The following ATP9A variants were observed in gnomAD, a reference collection of about 807,000 sequenced individuals.
ATP9A encodes the protein probable phospholipid-transporting ATPase IIA.
Under a neutral mutation model 144.1 loss-of-function variants are expected in ATP9A, and 52 were observed. That is an observed-to-expected ratio of 0.36 (90% CI 0.29 to 0.45). The LOEUF (loss-of-function observed/expected upper bound fraction) is 0.45. Among genes scored for constraint, ATP9A ranks in the 20% least tolerant of loss-of-function variants. The pLI is 1.00. For synonymous variants in ATP9A, 582 were observed against 557.4 expected (o/e 1.04, Z -0.62); for missense variants, 947 against 1,392.7 (o/e 0.68, Z 5.09).
intron 13 of ATP9A, 115 bp from the exon 14 acceptor site, chr20:51,657,265 C>A: frequency 1.3e-6 from 1 of 781,514 alleles, no homozygotes. Context: ...CACACAGAAC[C>A]CTTAGATATA....
rs1015540924 is a variant in ATP9A at position 51,599,547 on chromosome 20, T to A, written c.*1664A>T. 4 of 152,194 alleles carry A rather than the reference T, an allele frequency of 2.6e-5. No individual in the cohort carries two copies. Among genetic ancestry groups the A allele is most frequent in the African/African-American group, 9.7e-5 (4 of 41,450 alleles). 9.4% of individuals were successfully genotyped at this position (152,194 alleles called of 1,614,324 possible). On this transcript the variant is annotated 3_prime_UTR_variant, in exon 28 of 28. Transcript: ENST00000338821. ...AAAGTACTGCAAAACTGCAGAATCA[T>A]AAGACAAAATAGATGTGGTGTCAAC...
At chr20:51,670,787 G>A (rs768917350) in intron 12 of ATP9A, among the ~76,000 whole-genome samples, 9 of 152,004 alleles carry the variant, frequency 5.9e-5, no homozygotes, top group Admixed American at 2.6e-4. Context: ...AGCTTGCTTC[G>A]GCTACTATGC....
At chr20:51,643,072 A>G (rs2077327734) in intron 14 of ATP9A, among the ~76,000 whole-genome samples, 1 of 152,176 alleles carries the variant, frequency 6.6e-6, no homozygotes, top group African/African-American at 2.4e-5. Context: ...TTAGTCTACT[A>G]TGCTCAGATA....
rs2273091 is a variant in ATP9A, at chr20:51,607,215, C to G, written c.2803+312G>C. ...TCCAAAACTACGACTTGACCTGACT[C>G]TCAGAAAAGGTTTCAGAACATCCCA... On this transcript the variant is annotated intron_variant, in intron 26 of 27. Coordinates refer to ENST00000338821, the MANE Select transcript of ATP9A (RefSeq NM_006045.3). Among the ~76,000 whole-genome samples, 587 of 152,314 alleles carry G rather than the reference C, an allele frequency of 3.9e-3. 6 individuals carry two copies. In the East Asian group the frequency reaches 0.05, roughly 13 times the overall value.
chr20:51,656,408 C>A (rs1427787675), intron 14 of ATP9A, among the ~76,000 whole-genome samples: 1 of 152,020 alleles, frequency 6.6e-6, no homozygotes, highest in Non-Finnish European at 1.5e-5. Flanking sequence ...AAAAAATTAG[C>A]CGGGCATGGT....
At chr20:51,663,445 T>TA (rs11412806) in intron 13 of ATP9A, among the ~76,000 whole-genome samples, 74,300 of 151,808 alleles carry the variant, frequency 0.49, 18,920 homozygotes, top group East Asian at 0.79. Flanking sequence ...TTTCAATGAG[T>TA]AAAAAATGAA....
intron 1 of ATP9A, among the ~76,000 whole-genome samples, chr20:51,739,018 G>A (rs1042667386): frequency 8.5e-5 from 13 of 152,084 alleles, no homozygotes; most frequent in African/African-American, 3.1e-4. Flanking sequence ...GAACCTGGGA[G>A]GCGGAGGTTG....
At chr20:51,693,358 C>G (rs191423598) in intron 7 of ATP9A, among the ~76,000 whole-genome samples, 2 of 152,136 alleles carry the variant, frequency 1.3e-5, no homozygotes, top group African/African-American at 4.8e-5. Flanking sequence ...CATCCAGGGA[C>G]AGAATGACAG....
At position 51,638,185 on chromosome 20, in the gene ATP9A, C is replaced by T. The variant is rs1483938570; in HGVS notation, c.1668+1158G>A. On this transcript the variant is annotated intron_variant, in intron 15 of 27. Transcript: ENST00000338821. ...TATTTGGGCTGGTTCCATATCTTTG[C>T]AATTGCAAATTGTGCTGCTATAAAA... is the stretch of plus-strand genomic sequence containing the variant. Among the ~76,000 whole-genome samples, 6 of 133,816 alleles carry T rather than the reference C, an allele frequency of 4.5e-5. No individual in the cohort carries two copies. In the South Asian group the frequency reaches 1.2e-3, roughly 26 times the overall value. The allele number at this position is 133,816 out of a possible 152,430, so 87.8% of individuals were successfully genotyped here.
chr20:51,622,132 C>G lies in ATP9A; in HGVS notation c.2057G>C (p.Cys686Ser). ...CACCAGATGTGCATTCTTCGCTGTG[C>G]ACGTAGCTGTCTCCAGCTTGTCCCC... ...LTGDKLETAT[C>S]TAKNAHLVTR... Residue 686 changes from cysteine to serine, a missense_variant, in exon 19 of 28, where the codon TGC (cysteine) becomes TCC (serine). By Grantham distance (112) the Cys-to-Ser change is moderately radical (BLOSUM62 -1). Transcript: ENST00000338821. 6.2e-7 allele frequency: 1 copy of G among 1,614,136 alleles called. No homozygotes were observed. The highest frequency in any genetic ancestry group is 8.5e-7 in the Non-Finnish European group (1 of 1,180,012).
chr20:51,622,704 G>A (rs1040209678), intron 18 of ATP9A, among the ~76,000 whole-genome samples: 3 of 152,164 alleles, frequency 2.0e-5, no homozygotes, highest in Non-Finnish European at 4.4e-5. Flanking sequence ...TCTGCTGTGG[G>A]CTCAGAGAGG....
intron 14 of ATP9A, among the ~76,000 whole-genome samples, chr20:51,642,984 T>C (rs1448768228): frequency 6.6e-6 from 1 of 152,100 alleles, no homozygotes; most frequent in Non-Finnish European, 1.5e-5. Context: ...CCCACAGGCC[T>C]CTGCAAAATA....
chr20:51,752,110 A>G (rs1341627035), intron 1 of ATP9A, among the ~76,000 whole-genome samples: 1 of 152,170 alleles, frequency 6.6e-6, no homozygotes, highest in Non-Finnish European at 1.5e-5. Context: ...GGTGGCTCCT[A>G]CAGAGTGAAT....
chr20:51,623,841 C>A (rs1368094927), intron 18 of ATP9A, among the ~76,000 whole-genome samples: 1 of 150,964 alleles, frequency 6.6e-6, no homozygotes, highest in African/African-American at 2.4e-5. Context: ...ATTTCCTGTG[C>A]AAGATCGTAT....
chr20:51,676,208 C>T lies in ATP9A; in HGVS notation c.800G>A (p.Gly267Asp). The change falls in exon 10 of 28, where the codon GGT becomes GAT. Residue 267 changes from glycine (G) to aspartate (D), a missense_variant and splice_region_variant. Physicochemically the swap from Gly to Asp is moderately conservative, Grantham distance 94. This residue lies in a region of ATP9A where 770 missense variants were observed against 1,047.9 expected (regional missense o/e 0.73). Transcript: ENST00000338821. ...TLWAGTVVASGTVVGVVLYTG... is the reference protein window; with the variant it reads ...TLWAGTVVASDTVVGVVLYTG... The stretch of plus-strand genomic sequence containing the variant: ...GTAAAGAACAACACCCACAACAGTA[C>T]CTAAAATGGAAAAAAGAAAAAAAAA... 1 of 1,578,880 alleles carries T rather than the reference C, an allele frequency of 6.3e-7. No individual in the cohort carries two copies. The highest frequency in any genetic ancestry group is 8.6e-7 in the Non-Finnish European group (1 of 1,166,852).
intron 23 of ATP9A, among the ~76,000 whole-genome samples, chr20:51,610,688 G>T (rs2235864): frequency 2.0e-5 from 3 of 151,868 alleles, no homozygotes; most frequent in Non-Finnish European, 4.4e-5. Flanking sequence ...TAAACAGCTC[G>T]GAATCCTCAC....
At chr20:51,739,249 C>T (rs966282113) in intron 1 of ATP9A, among the ~76,000 whole-genome samples, 1 of 152,248 alleles carries the variant, frequency 6.6e-6, no homozygotes, top group South Asian at 2.1e-4. Flanking sequence ...CAGGTCTGAA[C>T]CCTGGCCCCA....
rs532943829 is a variant in ATP9A, at chr20:51,712,320, C to T, written c.436+646G>A. Reference sequence around the variant, plus strand: ...CGATCTCCGGACCTTGTGATCAGCCCGCCTCGGCCTCCCAAAGTGCTGGGA... The same window carrying T: ...CGATCTCCGGACCTTGTGATCAGCCTGCCTCGGCCTCCCAAAGTGCTGGGA... On this transcript the variant is annotated intron_variant, in intron 4 of 27. Transcript: ENST00000338821. Among the ~76,000 whole-genome samples, 9 of 152,174 alleles carry T rather than the reference C, an allele frequency of 5.9e-5. No individual in the cohort carries two copies. The South Asian group carries it at 1.7e-3, about 28-fold the overall frequency.
At chr20:51,724,979 G>A (rs897124297) in intron 3 of ATP9A, among the ~76,000 whole-genome samples, 1 of 152,080 alleles carries the variant, frequency 6.6e-6, no homozygotes, top group African/African-American at 2.4e-5. Context: ...CCAGATTGGG[G>A]GACATCTGTG....
Sources: gnomAD v4.1 joint callset for allele counts (sites outside exome capture counted in the v4.1 genomes callset) on GRCh38, gnomAD v4.1.1 for gene constraint, gnomAD v4.1.1 regional missense constraint, MANE v1.5 for transcripts, NCBI Gene and HGNC (gene_info 2026-07-23, HGNC 2026-07-21) for gene names.